ARMC8: variants seen among roughly 807,000 people sequenced by gnomAD.
ARMC8 encodes armadillo repeat containing 8.
In ARMC8, 20 loss-of-function variants were observed where a neutral mutation model predicts 99.3. The ratio of observed to expected loss-of-function variants is 0.20; its 90% CI spans 0.14 to 0.29. The LOEUF is 0.29. Ranked by LOEUF, ARMC8 falls within the 10% of genes least tolerant of loss-of-function variation. The pLI is 1.00. For synonymous variants in ARMC8, 263 were observed against 278.3 expected (o/e 0.95, Z 0.55); for missense variants, 569 against 809.5 (o/e 0.70, Z 3.60).
chr3:138,241,750 A>G (rs758082159), intron 10 of ARMC8, 33 bp from the exon 11 acceptor site: 3 of 1,604,638 alleles, frequency 1.9e-6, no homozygotes, highest in African/African-American at 2.7e-5. Flanking sequence ...TACCTTTACC[A>G]AAAAGCAAAT....
chr3:138,224,041 C>T (rs1386258036), intron 5 of ARMC8, among the ~76,000 whole-genome samples: 1 of 151,084 alleles, frequency 6.6e-6, no homozygotes, highest in African/African-American at 2.4e-5. Flanking sequence ...TCACTGCAAC[C>T]TTCACCCTGC....
intron 15 of ARMC8, among the ~76,000 whole-genome samples, chr3:138,269,629 C>T (rs950319110): frequency 7.9e-5 from 12 of 151,936 alleles, no homozygotes; most frequent in Non-Finnish European, 1.3e-4. Flanking sequence ...TCATAGAGTT[C>T]GTAAGCAATG....
chr3:138,212,028 T>C (rs1308528424), intron 2 of ARMC8, among the ~76,000 whole-genome samples: 1 of 152,050 alleles, frequency 6.6e-6, no homozygotes, highest in African/African-American at 2.4e-5. Flanking sequence ...AGAATGTGAG[T>C]GATAACATTC....
At chr3:138,229,132 GTGTATATA>G (rs1321534077) in intron 6 of ARMC8, 122 bp downstream of exon 6, 1 of 110,060 alleles carries the variant, frequency 9.1e-6, no homozygotes, top group African/African-American at 4.9e-5. Flanking sequence ...GTGTGTGTGC[GTGTATATA>G]TATATATATA....
chr3:138,225,191 C>A (rs374835814), intron 5 of ARMC8, among the ~76,000 whole-genome samples: 2 of 150,974 alleles, frequency 1.3e-5, no homozygotes, highest in Non-Finnish European at 2.9e-5. Context: ...CTGCAACCTC[C>A]GCCTCCTGAG....
intron 19 of ARMC8, among the ~76,000 whole-genome samples, chr3:138,284,872 C>G (rs2050256929): frequency 6.6e-6 from 1 of 152,208 alleles, no homozygotes; most frequent in Non-Finnish European, 1.5e-5. Flanking sequence ...TGGATGAACC[C>G]TCTAGCCCCC....
intron 14 of ARMC8, among the ~76,000 whole-genome samples, chr3:138,264,985 GC>G (rs1181535635): frequency 1.3e-5 from 2 of 150,894 alleles, no homozygotes; most frequent in Non-Finnish European, 2.9e-5. Context: ...GCAGCCTTGT[GC>G]CCCCCGGCCC....
At chr3:138,265,853 C>T (rs2048229469) in intron 14 of ARMC8, among the ~76,000 whole-genome samples, 1 of 151,998 alleles carries the variant, frequency 6.6e-6, no homozygotes, top group East Asian at 1.9e-4. Flanking sequence ...CATCTAGTGA[C>T]AGAGTATATG....
intron 21 of ARMC8, among the ~76,000 whole-genome samples, chr3:138,291,166 C>A (rs904270313): frequency 6.6e-6 from 1 of 152,178 alleles, no homozygotes; most frequent in African/African-American, 2.4e-5. Context: ...GTGTGTTCTC[C>A]CTTGTAACAG....
At chr3:138,221,897 T>C (rs1318512948) in intron 2 of ARMC8, 29 bp from the exon 3 acceptor site, 1 of 1,555,978 alleles carries the variant, frequency 6.4e-7, no homozygotes, top group Non-Finnish European at 8.9e-7. Context: ...TGTCTCAACA[T>C]ACTTTATTTT....
intron 6 of ARMC8, among the ~76,000 whole-genome samples, chr3:138,234,015 T>G (rs561476517): frequency 1.4e-4 from 21 of 152,330 alleles, no homozygotes; most frequent in African/African-American, 5.1e-4. Flanking sequence ...GTACATTGAT[T>G]AGTAGAAAAC....
Position 138,263,810 on chromosome 3 carries a change from A to G in ARMC8, c.1206A>G (p.Leu402=). The change falls in exon 13 of 22, where the codon TTA becomes TTG. Residue 402 remains leucine (L), a synonymous_variant. Coordinates refer to ENST00000469044, the MANE Select transcript of ARMC8 (RefSeq NM_001363941.2). ...GLSESSVKVR[L]AAVRCLHSLS... ...CTGAGTCTAGTGTCAAGGTGCGGTT[A>G]GCTGCCGTCAGGTATGAGCTTTAAA... The G allele has an allele frequency of 6.2e-7, 1 of 1,613,958 alleles. No homozygotes were observed.
At chr3:138,292,425 A>G (rs1465341148) in intron 21 of ARMC8, among the ~76,000 whole-genome samples, 1 of 152,250 alleles carries the variant, frequency 6.6e-6, no homozygotes, top group Non-Finnish European at 1.5e-5. Flanking sequence ...GAGACCAGTT[A>G]AAGGCCATTG....
intron 17 of ARMC8, among the ~76,000 whole-genome samples, chr3:138,273,580 C>G (rs979171432): frequency 2.0e-5 from 3 of 152,108 alleles, no homozygotes; most frequent in African/African-American, 7.2e-5. Flanking sequence ...GCAGTGGATA[C>G]GTGTCAGAGT....
At chr3:138,248,039 T>G (rs2046962062) in intron 12 of ARMC8, among the ~76,000 whole-genome samples, 1 of 152,238 alleles carries the variant, frequency 6.6e-6, no homozygotes, top group Non-Finnish European at 1.5e-5. Context: ...GTTGCATCCT[T>G]TATTACTCTA....
intron 1 of ARMC8, among the ~76,000 whole-genome samples, chr3:138,194,046 CTTT>C (rs755827729): frequency 7.0e-6 from 1 of 142,304 alleles, no homozygotes. Flanking sequence ...GGCATTACGT[CTTT>C]TTTTTTTTTT....
chr3:138,249,692 T>C (rs1011254078), intron 12 of ARMC8, among the ~76,000 whole-genome samples: 5 of 152,122 alleles, frequency 3.3e-5, no homozygotes, highest in Non-Finnish European at 5.9e-5. Context: ...CAATTCTGCA[T>C]AGACTGATTG....
intron 6 of ARMC8, 142 bp downstream of exon 6, chr3:138,229,152 A>ATG (rs2045867088): frequency 6.4e-5 from 3 of 46,894 alleles, no homozygotes; most frequent in African/African-American, 1.8e-4. Flanking sequence ...ATATATATAT[A>ATG]TATATATATA....
chr3:138,242,107 T>C, intron 11 of ARMC8, 124 bp downstream of exon 11: 1 of 722,612 alleles, frequency 1.4e-6, no homozygotes, highest in Non-Finnish European at 2.3e-6. Context: ...TTCTTTTATC[T>C]TTGGTAACAT....
Sources: gnomAD v4.1 joint callset for allele counts (sites outside exome capture counted in the v4.1 genomes callset) on GRCh38, gnomAD v4.1.1 for gene constraint, MANE v1.5 for transcripts, NCBI Gene and HGNC (gene_info 2026-07-23, HGNC 2026-07-21) for gene names.